TGFB1I1: variants seen among roughly 807,000 people sequenced by gnomAD.
The protein encoded by TGFB1I1 is transforming growth factor beta 1 induced transcript 1.
In TGFB1I1, 33 loss-of-function variants were observed where a neutral mutation model predicts 52.0. The observed-to-expected ratio is 0.63, with a 90% CI of 0.48 to 0.85. The LOEUF is 0.85. Among genes scored for constraint, TGFB1I1 ranks in the 40% least tolerant of loss-of-function variants. TGFB1I1 has a pLI of 0.00. For missense variants in TGFB1I1, 577 were observed against 614.9 expected (o/e 0.94, Z 0.65); for synonymous variants, 236 against 253.3 (o/e 0.93, Z 0.65).
At position 31,477,665 on chromosome 16, in the gene TGFB1I1, G is replaced by A. The variant is rs1316743737; in HGVS notation, c.*89G>A. 6 of 1,453,308 alleles carry A rather than the reference G, an allele frequency of 4.1e-6. No homozygotes were observed. Among genetic ancestry groups the A allele is most frequent in the African/African-American group, 2.8e-5 (2 of 70,780 alleles). The allele number at this position is 1,453,308 out of a possible 1,614,324, so 90.0% of individuals were successfully genotyped here. A position where few individuals can be genotyped will look rare whatever the true frequency, so the allele number is the denominator to read the frequency against. On this transcript the variant is annotated 3_prime_UTR_variant, in exon 11 of 11. Coordinates refer to ENST00000394863, the MANE Select transcript of TGFB1I1 (RefSeq NM_001042454.3). This position sits in a 1 kb window ranked among gnomAD's most constrained non-coding sequence, Gnocchi z 4.7. ...GACCCCGAGGCCTTGCTCTCAGAGC[G>A]GGAGGCCCCACCCACTGGAGAGCCC...
In TGFB1I1 at chr16:31,474,906, C is replaced by A; in HGVS notation, c.714+149C>A. The stretch of plus-strand genomic sequence containing the variant: ...TGTTTTATGGATGAGGAAACTGAAG[C>A]TCTGAACCACACAGCAGGTTAGTGG... On this transcript the variant is annotated intron_variant, in intron 7 of 10. Coordinates refer to ENST00000394863, the MANE Select transcript of TGFB1I1 (RefSeq NM_001042454.3). The surrounding 1 kb of genome is among the most constrained non-coding windows in gnomAD (Gnocchi z 4.2). 2 of 768,900 alleles carry A rather than the reference C, an allele frequency of 2.6e-6. No homozygotes were observed. The highest frequency in any genetic ancestry group is 2.7e-5 in the Admixed American group (1 of 36,958). The allele number at this position is 768,900 out of a possible 1,614,324, so 47.6% of individuals were successfully genotyped here.
Position 31,476,039 on chromosome 16 carries a change from C to A in TGFB1I1, c.742C>A (p.His248Asn). The A allele has an allele frequency of 6.2e-7, 1 of 1,613,292 alleles. No individual in the cohort carries two copies. The highest frequency in any genetic ancestry group is 8.5e-7 in the Non-Finnish European group (1 of 1,179,946). Residue 248 changes from histidine (H) to asparagine (N), a missense_variant, in exon 8 of 11, where the codon CAC (histidine) becomes AAC (asparagine). His to Asn is a moderately conservative substitution (Grantham distance 68). Transcript: ENST00000394863. The surrounding 1 kb of genome is among the most constrained non-coding windows in gnomAD (Gnocchi z 7.6). ...GGTGACGGCTCTGGGCCGCGCCTGG[C>A]ACCCCGAGCACTTCGTTTGCGGAGG... ...QVVTALGRAW[H>N]PEHFVCGGCS...
chr16:31,475,845 C>G (rs1450204780), intron 7 of TGFB1I1, 167 bp from the exon 8 acceptor site: 3 of 721,950 alleles, frequency 4.2e-6, no homozygotes, highest in Non-Finnish European at 6.7e-6. Context: ...AGCTGGAAGA[C>G]GGAACACGGG....
rs752478228 is a variant in TGFB1I1 at position 31,473,760 on chromosome 16, G to A, written c.182+26G>A. On this transcript the variant is annotated intron_variant, in intron 3 of 10. Transcript: ENST00000394863. Reference sequence around the variant, plus strand: ...GTGAGGGGCCTGGAAACCAGGGCATGGGGGCCAACTGAGTCTCAGGTGAGG... The same window carrying A: ...GTGAGGGGCCTGGAAACCAGGGCATAGGGGCCAACTGAGTCTCAGGTGAGG... 12 of 1,582,058 alleles carry A rather than the reference G, an allele frequency of 7.6e-6. No homozygotes were observed. In the South Asian group the frequency reaches 1.3e-4, roughly 17 times the overall value.
chr16:31,475,680 A>C (rs1460232209), intron 7 of TGFB1I1: 1 of 211,246 alleles, frequency 4.7e-6, no homozygotes, highest in Non-Finnish European at 9.4e-6. Flanking sequence ...CTCCCACCTC[A>C]GCCTCCCAAA....
Position 31,476,330 on chromosome 16 carries a change from A to T in TGFB1I1, c.888+145A>T. ...CTTGGCAATGTCCACGGCCCCTTGG[A>T]CTCCACTCTTCCTTTCTGACCCCCA... is the stretch of plus-strand genomic sequence containing the variant. On this transcript the variant is annotated intron_variant, in intron 8 of 10. Coordinates refer to ENST00000394863, the MANE Select transcript of TGFB1I1 (RefSeq NM_001042454.3). The surrounding 1 kb of genome is among the most constrained non-coding windows in gnomAD (Gnocchi z 7.6). The T allele has an allele frequency of 9.2e-7, 1 of 1,082,048 alleles. No individual in the cohort carries two copies. Among genetic ancestry groups the T allele is most frequent in the South Asian group, 1.5e-5 (1 of 66,702 alleles). The allele number at this position is 1,082,048 out of a possible 1,614,324, so 67.0% of individuals were successfully genotyped here.
intron 1 of TGFB1I1, chr16:31,473,060 G>C: frequency 2.8e-6 from 1 of 361,526 alleles, no homozygotes; most frequent in Non-Finnish European, 4.0e-6. Flanking sequence ...GGCCTGTGTA[G>C]GTAGAGGGAG....
intron 7 of TGFB1I1, 25 bp from the exon 8 acceptor site, chr16:31,475,987 G>T: frequency 6.2e-7 from 1 of 1,604,508 alleles, no homozygotes; most frequent in Non-Finnish European, 8.5e-7. Flanking sequence ...GAGCCGCTCT[G>T]ACCCGCCTCA....
At position 31,477,391 on chromosome 16, in the gene TGFB1I1, C is replaced by G. The variant is rs1184478241; in HGVS notation, c.1201C>G (p.Arg401Gly). 1.2e-6 allele frequency: 2 copies of G among 1,611,074 alleles called. No homozygotes were observed. The highest frequency in any genetic ancestry group is 1.7e-6 in the Non-Finnish European group (2 of 1,179,158). The change falls in exon 11 of 11, where the codon CGC becomes GGC. Residue 401 changes from arginine to glycine, a missense_variant. This residue lies in a region of TGFB1I1 where 456 missense variants were observed against 461.6 expected (regional missense o/e 0.99). Transcript: ENST00000394863. This position sits in a 1 kb window ranked among gnomAD's most constrained non-coding sequence, Gnocchi z 4.7. The stretch of plus-strand genomic sequence containing the variant: ...GTGCGAGAACCACTTCCACGCACGA[C>G]GCGGCTCGCTGTGCGCCACGTGTGG... ...PLCENHFHAR[R>G]GSLCATCGLP... is the part of the protein sequence containing the mutation.
In TGFB1I1 at chr16:31,474,882, G is replaced by A; in HGVS notation, c.714+125G>A. ...GGAAGTGGGTATCATTATTACTTATGTTTTATGGATGAGGAAACTGAAGCT... is the reference window on the plus strand; with the variant it reads ...GGAAGTGGGTATCATTATTACTTATATTTTATGGATGAGGAAACTGAAGCT... On this transcript the variant is annotated intron_variant, in intron 7 of 10. Coordinates refer to ENST00000394863, the MANE Select transcript of TGFB1I1 (RefSeq NM_001042454.3). The surrounding 1 kb of genome is among the most constrained non-coding windows in gnomAD (Gnocchi z 4.2). 2.2e-6 allele frequency: 2 copies of A among 928,052 alleles called. No homozygotes were observed. Among genetic ancestry groups the A allele is most frequent in the Admixed American group, 5.3e-5 (2 of 37,888 alleles). 57.5% of individuals were successfully genotyped at this position (928,052 alleles called of 1,614,324 possible).
In TGFB1I1 at chr16:31,474,444, G is replaced by A. The variant is rs1162207352; in HGVS notation, c.508G>A (p.Val170Ile). The A allele has an allele frequency of 2.5e-6, 4 of 1,614,020 alleles. No homozygotes were observed. The highest frequency in any genetic ancestry group is 1.7e-5 in the Admixed American group (1 of 60,008). Residue 170 changes from valine (V) to isoleucine (I), a missense_variant, in exon 6 of 11, where the codon GTT becomes ATT. This residue lies in a region of TGFB1I1 where 456 missense variants were observed against 461.6 expected (regional missense o/e 0.99). Coordinates refer to ENST00000394863, the MANE Select transcript of TGFB1I1 (RefSeq NM_001042454.3). This position sits in a 1 kb window ranked among gnomAD's most constrained non-coding sequence, Gnocchi z 4.2. ...RLMASLSDFR[V>I]QNHLPASGPT... ...GATGGCCTCACTCTCTGACTTCCGC[G>A]TTCAAAACCATGTGAGTTGGGCAGT...
In TGFB1I1 at chr16:31,477,192, G is replaced by A. The variant is rs932262160; in HGVS notation, c.1120-118G>A. ...TTTTCCGGGCAGGGTCCCACCGGAC[G>A]GGATTCTTCGCGTCTAGGGCGGGCT... On this transcript the variant is annotated intron_variant, in intron 10 of 10. Coordinates refer to ENST00000394863, the MANE Select transcript of TGFB1I1 (RefSeq NM_001042454.3). The surrounding 1 kb of genome is among the most constrained non-coding windows in gnomAD (Gnocchi z 4.7). 1.4e-6 allele frequency: 2 copies of A among 1,462,696 alleles called. No individual in the cohort carries two copies. The highest frequency in any genetic ancestry group is 1.8e-6 in the Non-Finnish European group (2 of 1,094,954). 90.6% of individuals were successfully genotyped at this position (1,462,696 alleles called of 1,614,324 possible). A position where few individuals can be genotyped will look rare whatever the true frequency, so the allele number is the denominator to read the frequency against.
chr16:31,475,129 T>C (rs2082415920), intron 7 of TGFB1I1: 2 of 254,686 alleles, frequency 7.9e-6, no homozygotes, highest in Non-Finnish European at 1.5e-5. Context: ...GTCCTTGTTT[T>C]ATTGACTGAG....
chr16:31,476,619 C>A lies in TGFB1I1; in HGVS notation c.970+57C>A. 2 of 1,559,560 alleles carry A rather than the reference C, an allele frequency of 1.3e-6. No homozygotes were observed. Among genetic ancestry groups the A allele is most frequent in the Non-Finnish European group, 1.7e-6 (2 of 1,144,378 alleles). On this transcript the variant is annotated intron_variant, in intron 9 of 10. Coordinates refer to ENST00000394863, the MANE Select transcript of TGFB1I1 (RefSeq NM_001042454.3). The surrounding 1 kb of genome is among the most constrained non-coding windows in gnomAD (Gnocchi z 7.6). ...CTGCGGGTCCCCTCGACGTCTCGCC[C>A]CAGCCCCTCCGACCTCCGGAGTCCT... is the stretch of plus-strand genomic sequence containing the variant.
chr16:31,473,119 C>T (rs1296052385), intron 1 of TGFB1I1: 2 of 906,970 alleles, frequency 2.2e-6, no homozygotes, highest in Non-Finnish European at 2.8e-6. Flanking sequence ...AGCTGAGGGC[C>T]AGGCACTGGG....
intron 1 of TGFB1I1, chr16:31,472,455 G>C: frequency 1.7e-6 from 1 of 581,374 alleles, no homozygotes; most frequent in Non-Finnish European, 2.5e-6. Flanking sequence ...GGGAGGTGCG[G>C]CGCCCGCGGG....
Position 31,477,645 on chromosome 16 carries a change from C to A in TGFB1I1, c.*69C>A. The stretch of plus-strand genomic sequence containing the variant: ...CGGAAAAGCCGGGTCCTCCAGACCC[C>A]GAGGCCTTGCTCTCAGAGCGGGAGG... On this transcript the variant is annotated 3_prime_UTR_variant, in exon 11 of 11. Transcript: ENST00000394863. The surrounding 1 kb of genome is among the most constrained non-coding windows in gnomAD (Gnocchi z 4.7). The A allele has an allele frequency of 6.7e-7, 1 of 1,490,636 alleles. No individual in the cohort carries two copies. The highest frequency in any genetic ancestry group is 8.9e-7 in the Non-Finnish European group (1 of 1,123,244). The allele number at this position is 1,490,636 out of a possible 1,614,324, so 92.3% of individuals were successfully genotyped here.
In TGFB1I1 at chr16:31,476,072, A is replaced by G. The variant is rs1341700045; in HGVS notation, c.775A>G (p.Thr259Ala). The change falls in exon 8 of 11, where the codon ACC (threonine) becomes GCC (alanine). Residue 259 changes from threonine to alanine, a missense_variant. Thr to Ala is a moderately conservative substitution (Grantham distance 58). Transcript: ENST00000394863. This position sits in a 1 kb window ranked among gnomAD's most constrained non-coding sequence, Gnocchi z 7.6. ...PEHFVCGGCS[T>A]ALGGSSFFEK... is the part of the protein sequence containing the mutation. ...GCACTTCGTTTGCGGAGGCTGTTCC[A>G]CCGCCCTGGGAGGCAGCAGCTTCTT... 1 of 1,613,530 alleles carries G rather than the reference A, an allele frequency of 6.2e-7. No individual in the cohort carries two copies. Among genetic ancestry groups the G allele is most frequent in the Admixed American group, 1.7e-5 (1 of 60,004 alleles).
At position 31,474,514 on chromosome 16, in the gene TGFB1I1, C is replaced by T. The variant is rs745579973; in HGVS notation, c.520-49C>T. 12 of 1,612,712 alleles carry T rather than the reference C, an allele frequency of 7.4e-6. No homozygotes were observed. Among genetic ancestry groups the T allele is most frequent in the Non-Finnish European group, 1.0e-5 (12 of 1,179,194 alleles). On this transcript the variant is annotated intron_variant, in intron 6 of 10. Coordinates refer to ENST00000394863, the MANE Select transcript of TGFB1I1 (RefSeq NM_001042454.3). This position sits in a 1 kb window ranked among gnomAD's most constrained non-coding sequence, Gnocchi z 4.2. ...GCTCCCCAACCCCTTCTAGACAATT[C>T]CACATCTGCTGCTTTGCTGACTCAA...
Sources: gnomAD v4.1 joint callset for allele counts on GRCh38, gnomAD v4.1.1 for gene constraint, gnomAD v4.1.1 regional missense constraint, Gnocchi (gnomAD v3.1) non-coding constraint, MANE v1.5 for transcripts, NCBI Gene and HGNC (gene_info 2026-07-23, HGNC 2026-07-21) for gene names.